USP32: variants seen among roughly 807,000 people sequenced by gnomAD.
USP32 encodes the protein ubiquitin specific peptidase 32.
A neutral mutation model predicts 204.8 loss-of-function variants in USP32; 59 were observed. The observed-to-expected ratio is 0.29, with a 90% confidence interval of 0.23 to 0.36. The LOEUF is 0.36. Among genes scored for constraint, USP32 ranks in the 10% least tolerant of loss-of-function variants. The pLI is 1.00. For missense variants in USP32, 1,160 were observed against 1,946.4 expected, an observed-to-expected ratio of 0.60 and a Z score of 7.60; for synonymous variants, 517 against 678.4, an observed-to-expected ratio of 0.76 and a Z score of 3.70.
At chr17:60,225,957 A>T (rs2085373916) in intron 13 of USP32, 82 bp downstream of exon 13, 1 of 1,193,668 alleles carries the variant, frequency 8.4e-7, no homozygotes, top group Non-Finnish European at 1.1e-6. Context: ...AGTCTCAAAA[A>T]AAAAAAAAAA....
At chr17:60,241,158 C>A (rs139685416) in intron 11 of USP32, among the ~76,000 whole-genome samples, 1 of 152,214 alleles carries the variant, frequency 6.6e-6, no homozygotes, top group South Asian at 2.1e-4. Context: ...CCACCATGGC[C>A]GGCTAATTTT....
At chr17:60,216,952 A>G (rs1282327069) in intron 16 of USP32, among the ~76,000 whole-genome samples, 2 of 150,798 alleles carry the variant, frequency 1.3e-5, no homozygotes, top group African/African-American at 5.0e-5. Context: ...TAAAATGATT[A>G]ATGATTGATT....
At chr17:60,348,158 T>C (rs1458359059) in intron 1 of USP32, among the ~76,000 whole-genome samples, 1 of 150,976 alleles carries the variant, frequency 6.6e-6, no homozygotes, top group African/African-American at 2.4e-5. Context: ...AAAAAGATGA[T>C]AAACTTTTTT....
intron 25 of USP32, among the ~76,000 whole-genome samples, chr17:60,205,959 C>A (rs907494300): frequency 1.3e-5 from 2 of 152,236 alleles, no homozygotes; most frequent in Non-Finnish European, 2.9e-5. Context: ...CACTTGTTTT[C>A]TTTTCCTTCT....
rs58180123 is a variant in USP32 at position 60,267,526 on chromosome 17, C to CT, written c.812-1436dup. 2.5e-3 allele frequency among the ~76,000 whole-genome samples: 371 copies of CT among 149,688 alleles called. 1 individual carries two copies. The highest frequency in any genetic ancestry group is 7.6e-3 in the African/African-American group (310 of 40,828). On this transcript the variant is annotated intron_variant, in intron 7 of 33. Coordinates refer to ENST00000300896, the MANE Select transcript of USP32 (RefSeq NM_032582.4). The stretch of plus-strand genomic sequence containing the variant: ...TTTTTTGGCAAAAACAATTTTAACT[C>CT]TTTTTTTTTTCTTTTTTTTGAGATG...
chr17:60,242,315 T>C (rs1231747144), intron 11 of USP32, among the ~76,000 whole-genome samples: 5 of 152,270 alleles, frequency 3.3e-5, no homozygotes, highest in African/African-American at 1.2e-4. Flanking sequence ...TTTTTTTTTC[T>C]TTTTAAAGTC....
At chr17:60,336,385 C>A (rs950607389) in intron 2 of USP32, among the ~76,000 whole-genome samples, 2 of 143,040 alleles carry the variant, frequency 1.4e-5, no homozygotes, top group East Asian at 3.9e-4. Flanking sequence ...TGTCATCTTA[C>A]AGAAGCCTTG....
intron 5 of USP32, among the ~76,000 whole-genome samples, chr17:60,278,197 C>T (rs1273323886): frequency 6.6e-6 from 1 of 152,034 alleles, no homozygotes; most frequent in Non-Finnish European, 1.5e-5. Context: ...AGCTACTGCA[C>T]CCAGACAATA....
chr17:60,219,553 G>A (rs2085188782), intron 16 of USP32, 117 bp downstream of exon 16: 1 of 1,377,890 alleles, frequency 7.3e-7, no homozygotes, highest in Non-Finnish European at 9.6e-7. Flanking sequence ...GAGCAACGTA[G>A]TTTTCACCTT....
At chr17:60,315,671 A>C (rs2087957701) in intron 2 of USP32, among the ~76,000 whole-genome samples, 1 of 152,220 alleles carries the variant, frequency 6.6e-6, no homozygotes, top group Non-Finnish European at 1.5e-5. Flanking sequence ...GGTGGAAACA[A>C]CCCATAAAAA....
intron 1 of USP32, among the ~76,000 whole-genome samples, chr17:60,420,680 A>G (rs1372168142): frequency 6.6e-6 from 1 of 152,172 alleles, no homozygotes; most frequent in South Asian, 2.1e-4. Flanking sequence ...ACAAACAACA[A>G]ACAAACAAAC....
intron 26 of USP32, among the ~76,000 whole-genome samples, chr17:60,204,770 TTTTC>T (rs1178467534): frequency 1.3e-5 from 2 of 148,232 alleles, no homozygotes; most frequent in East Asian, 4.1e-4. Context: ...CACCTGGCCA[TTTTC>T]TTTCTTTCTT....
At chr17:60,184,665 C>T (rs345173) in intron 30 of USP32, among the ~76,000 whole-genome samples, 20,522 of 151,834 alleles carry the variant, frequency 0.14, 2,952 homozygotes, top group African/African-American at 0.36. Flanking sequence ...AAAAATTAGC[C>T]GGGTGGTAGT....
At chr17:60,363,932 T>G (rs1016867808) in intron 1 of USP32, among the ~76,000 whole-genome samples, 1 of 152,086 alleles carries the variant, frequency 6.6e-6, no homozygotes, top group African/African-American at 2.4e-5. Context: ...GTTACAAGTT[T>G]TCAGCTTCCC....
At chr17:60,289,297 C>T (rs1165074844) in intron 4 of USP32, among the ~76,000 whole-genome samples, 2 of 152,190 alleles carry the variant, frequency 1.3e-5, no homozygotes, top group South Asian at 2.1e-4. Context: ...CATGAGCCAC[C>T]GTGCCCGGCC....
Position 60,181,686 on chromosome 17 carries a change from T to C in USP32, c.4186A>G (p.Asn1396Asp), listed in dbSNP as rs778987002. 1.3e-5 allele frequency: 21 copies of C among 1,612,624 alleles called. No homozygotes were observed. The highest frequency in any genetic ancestry group is 1.8e-5 in the Non-Finnish European group (21 of 1,179,660). The part of the protein sequence containing the change: ...SCPSSKNSSP[N>D]SSPRTLGRSK... ...CTCCCCAAAGTCCGTGGGCTGCTAT[T>C]AGGGCTGCTGTTTTTGCTGGAGGGA... The change falls in exon 32 of 34, where the codon AAT (asparagine) becomes GAT (aspartate). Residue 1396 changes from asparagine to aspartate, a missense_variant. Physicochemically the swap from Asn to Asp is conservative, Grantham distance 23. Around this residue, in one of 8 missense-constraint regions of USP32, gnomAD observed 244 missense variants for 342.3 expected, o/e 0.71. Transcript: ENST00000300896.
intron 26 of USP32, among the ~76,000 whole-genome samples, chr17:60,201,887 G>C (rs2084686392): frequency 1.3e-5 from 2 of 152,274 alleles, no homozygotes; most frequent in African/African-American, 4.8e-5. Flanking sequence ...TTGAACTCCT[G>C]ACCTTGTGAT....
chr17:60,179,148 TA>T lies in USP32; in HGVS notation c.*106del. 1 of 1,292,998 alleles carries T rather than the reference TA, an allele frequency of 7.7e-7. No homozygotes were observed. Among genetic ancestry groups the T allele is most frequent in the Non-Finnish European group, 1.1e-6 (1 of 947,340 alleles). 80.1% of individuals were successfully genotyped at this position (1,292,998 alleles called of 1,614,324 possible). A position where few individuals can be genotyped will look rare whatever the true frequency, so the allele number is the denominator to read the frequency against. ...TATTTTGTGCTTCAGGGCCACAGGA[TA>T]AAATAACTACATTTAGCTTGCCTTT... On this transcript the variant is annotated 3_prime_UTR_variant, in exon 34 of 34. Coordinates refer to ENST00000300896, the MANE Select transcript of USP32 (RefSeq NM_032582.4).
chr17:60,183,277 A>C lies in USP32; in HGVS notation c.4011T>G (p.Ile1337Met). ...PQGDELSEPRILAREVKKVDA... is the reference protein window; with the variant it reads ...PQGDELSEPRMLAREVKKVDA... ...CCACTTTCTTCACCTCCCTTGCCAG[A>C]ATCCTGGGCTCAGAGAGCTCATCCC... Residue 1337 changes from isoleucine (I) to methionine (M), a missense_variant, in exon 31 of 34, where the codon ATT (isoleucine) becomes ATG (methionine). Ile to Met is a conservative substitution (Grantham distance 10, BLOSUM62 1). Around this residue, in one of 8 missense-constraint regions of USP32, gnomAD observed 244 missense variants for 342.3 expected, o/e 0.71. Transcript: ENST00000300896. 2.5e-6 allele frequency: 4 copies of C among 1,613,956 alleles called. No homozygotes were observed. The highest frequency in any genetic ancestry group is 3.4e-6 in the Non-Finnish European group (4 of 1,179,868).
Sources: allele counts gnomAD v4.1 joint callset (sites outside exome capture counted in the v4.1 genomes callset), GRCh38; gene constraint gnomAD v4.1.1; regional missense constraint gnomAD v4.1.1; transcripts MANE v1.5; gene names NCBI Gene and HGNC (gene_info 2026-07-23, HGNC 2026-07-21).